Variants in LSAMP observed in about 807,000 individuals in gnomAD.
The protein encoded by LSAMP is limbic system-associated membrane protein.
LSAMP carries 7 observed loss-of-function variants against 38.6 expected under a neutral mutation model. The observed-to-expected ratio is 0.18, with a 90% CI of 0.10 to 0.34. The LOEUF is 0.34. LSAMP is among the 10% of genes least tolerant of loss of function. The pLI, the probability that LSAMP is intolerant of heterozygous loss-of-function variation, is 1.00. For synonymous variants in LSAMP, 154 were observed against 166.8 expected (o/e 0.92, Z 0.59); for missense variants, 313 against 420.0 (o/e 0.75, Z 2.23).
At chr3:116,077,718 GCTGCGT>G (rs1218244795) in intron 2 of LSAMP, among the ~76,000 whole-genome samples, 1 of 152,104 alleles carries the variant, frequency 6.6e-6, no homozygotes, top group African/African-American at 2.4e-5. Context: ...TTTGTCAATT[GCTGCGT>G]CATGCCTTGT....
At chr3:116,437,271 G>A (rs1022560726) in intron 1 of LSAMP, among the ~76,000 whole-genome samples, 4 of 151,902 alleles carry the variant, frequency 2.6e-5, no homozygotes, top group African/African-American at 4.8e-5. Context: ...GAAGGGGGGC[G>A]AGGAATAAAA....
intron 3 of LSAMP, among the ~76,000 whole-genome samples, chr3:115,919,225 C>T (rs1322899853): frequency 6.6e-6 from 1 of 152,152 alleles, no homozygotes; most frequent in African/African-American, 2.4e-5. Flanking sequence ...CAACATGATC[C>T]ATTCAGAGTC....
At chr3:115,970,535 A>G (rs1278514957) in intron 3 of LSAMP, among the ~76,000 whole-genome samples, 1 of 152,200 alleles carries the variant, frequency 6.6e-6, no homozygotes, top group Non-Finnish European at 1.5e-5. Flanking sequence ...GGGCTCTTTC[A>G]TGCCCTTGGA....
At chr3:116,232,913 C>T (rs988304780) in intron 1 of LSAMP, among the ~76,000 whole-genome samples, 1 of 151,894 alleles carries the variant, frequency 6.6e-6, no homozygotes, top group East Asian at 1.9e-4. Flanking sequence ...ATTCTTTGGC[C>T]ATTTTAGTAA....
intron 1 of LSAMP, among the ~76,000 whole-genome samples, chr3:116,221,513 G>GAGAT (rs1236774346): frequency 6.6e-6 from 1 of 152,176 alleles, no homozygotes; most frequent in Admixed American, 6.5e-5. Flanking sequence ...TCTGTAAAGT[G>GAGAT]AGATAGATTG....
chr3:115,946,422 T>C (rs1287172743), intron 3 of LSAMP, among the ~76,000 whole-genome samples: 1 of 152,166 alleles, frequency 6.6e-6, no homozygotes, highest in Non-Finnish European at 1.5e-5. Flanking sequence ...TAGGCAGATG[T>C]CAATTTCCAA....
chr3:115,954,166 C>A (rs1396409434), intron 3 of LSAMP, among the ~76,000 whole-genome samples: 1 of 152,114 alleles, frequency 6.6e-6, no homozygotes, highest in Non-Finnish European at 1.5e-5. Flanking sequence ...TATTTTTTTA[C>A]TATATTTTCT....
chr3:115,863,368 G>C lies in LSAMP; in HGVS notation c.515-10751C>G, dbSNP rs564828757. Among the ~76,000 whole-genome samples the C allele has an allele frequency of 9.2e-5, 14 of 152,130 alleles. No individual in the cohort carries two copies. The South Asian group carries it at 2.5e-3, about 27-fold the overall frequency. ...AAGTGAGGGAGAGGGATGACCCCAA[G>C]GTTTTTGGTTTGATTGATCTGTGTA... On this transcript the variant is annotated intron_variant, in intron 3 of 6. Transcript: ENST00000490035.
chr3:115,975,472 C>T (rs1939158955), intron 3 of LSAMP, among the ~76,000 whole-genome samples: 1 of 152,068 alleles, frequency 6.6e-6, no homozygotes, highest in South Asian at 2.1e-4. Flanking sequence ...CAAGAAAAAG[C>T]AAAGGAGACA....
intron 1 of LSAMP, among the ~76,000 whole-genome samples, chr3:116,313,012 C>T (rs1381446643): frequency 6.6e-6 from 1 of 152,116 alleles, no homozygotes; most frequent in Non-Finnish European, 1.5e-5. Flanking sequence ...GACGCAGTTG[C>T]ACAAATATAG....
chr3:116,327,081 C>T (rs1467613185), intron 1 of LSAMP, among the ~76,000 whole-genome samples: 1 of 152,190 alleles, frequency 6.6e-6, no homozygotes, highest in African/African-American at 2.4e-5. Context: ...TGCTTTTGCA[C>T]ATTAACATGC....
At chr3:116,027,660 C>T (rs1940824410) in intron 2 of LSAMP, among the ~76,000 whole-genome samples, 1 of 152,162 alleles carries the variant, frequency 6.6e-6, no homozygotes, top group African/African-American at 2.4e-5. Context: ...GCACGTTAAG[C>T]ATTGGTTTTG....
At chr3:116,255,922 A>G (rs1444194440) in intron 1 of LSAMP, among the ~76,000 whole-genome samples, 1 of 152,134 alleles carries the variant, frequency 6.6e-6, no homozygotes, top group Non-Finnish European at 1.5e-5. Context: ...TTTTTTGGTG[A>G]CACATTGAAT....
At chr3:116,327,058 T>C (rs371290949) in intron 1 of LSAMP, among the ~76,000 whole-genome samples, 15 of 152,162 alleles carry the variant, frequency 9.9e-5, no homozygotes, top group Non-Finnish European at 1.9e-4. Context: ...TGTGTCCACA[T>C]CTACTACACC....
rs115323763 is a variant in LSAMP at position 116,242,775 on chromosome 3, A to G, written c.156-156219T>C. 9.6e-3 allele frequency among the ~76,000 whole-genome samples: 1,467 copies of G among 152,094 alleles called. 12 individuals carry two copies. The highest frequency in any genetic ancestry group is 0.017 in the Non-Finnish European group (1,159 of 67,992). On this transcript the variant is annotated intron_variant, in intron 1 of 6. Transcript: ENST00000490035. The stretch of plus-strand genomic sequence containing the variant: ...TTGAGTTTTAACATTGAAAAAAAAA[A>G]CACTAAAGATTGTCTTCTAAAAAAT...
At chr3:115,866,216 G>A (rs1935854235) in intron 3 of LSAMP, among the ~76,000 whole-genome samples, 2 of 152,058 alleles carry the variant, frequency 1.3e-5, no homozygotes, top group African/African-American at 4.8e-5. Flanking sequence ...CTGTTCCTGA[G>A]ATTGATCCTC....
intron 4 of LSAMP, among the ~76,000 whole-genome samples, chr3:115,845,400 T>A (rs969155417): frequency 6.6e-6 from 1 of 152,220 alleles, no homozygotes; most frequent in African/African-American, 2.4e-5. Context: ...CACATGGTTA[T>A]AACTGCCAAA....
intron 2 of LSAMP, among the ~76,000 whole-genome samples, chr3:116,051,000 A>G (rs1941386335): frequency 1.3e-5 from 2 of 152,216 alleles, no homozygotes; most frequent in African/African-American, 4.8e-5. Context: ...AGTACTTGAA[A>G]TGGTGATATA....
intron 1 of LSAMP, among the ~76,000 whole-genome samples, chr3:116,149,623 CTTT>C (rs56008913): frequency 1.3e-5 from 2 of 151,792 alleles, no homozygotes; most frequent in East Asian, 1.9e-4. Context: ...ATTTTCTGAT[CTTT>C]TGGGGGCTGG....
Sources: gnomAD v4.1 joint callset for allele counts (sites outside exome capture counted in the v4.1 genomes callset) on GRCh38, gnomAD v4.1.1 for gene constraint, MANE v1.5 for transcripts, NCBI Gene and HGNC (gene_info 2026-07-23, HGNC 2026-07-21) for gene names.